Variants in TBCE observed in about 807,000 individuals in gnomAD.
The protein encoded by TBCE is tubulin-specific chaperone E.
A neutral mutation model predicts 77.0 loss-of-function variants in TBCE; 53 were observed. The observed-to-expected ratio is 0.69, with a 90% CI of 0.55 to 0.87. The LOEUF (loss-of-function observed/expected upper bound fraction) is 0.87, where lower values mean the gene tolerates loss of function less well. Ranked by LOEUF, TBCE falls within the 40% of genes least tolerant of loss-of-function variation. The pLI, the probability that TBCE is intolerant of heterozygous loss-of-function variation, is 0.00. For synonymous variants in TBCE, 235 were observed against 241.3 expected, an observed-to-expected ratio of 0.97 and a Z score of 0.24; for missense variants, 624 against 622.4, an observed-to-expected ratio of 1.00 and a Z score of -0.03.
chr1:235,429,564 GAGTAATTT>G (rs1390144063), intron 6 of TBCE: 7 of 152,214 alleles, frequency 4.6e-5, no homozygotes, highest in Non-Finnish European at 7.3e-5. Context: ...CTGTAGGAAT[GAGTAATTT>G]CATTGGGATA....
chr1:235,447,141 A>G (rs1376233387), intron 15 of TBCE, among the ~76,000 whole-genome samples: 1 of 152,206 alleles, frequency 6.6e-6, no homozygotes, highest in African/African-American at 2.4e-5. Context: ...ACATATTCAC[A>G]CATGAAAGAG....
At chr1:235,387,278 T>C (rs921552938) in intron 2 of TBCE, among the ~76,000 whole-genome samples, 4 of 152,188 alleles carry the variant, frequency 2.6e-5, no homozygotes, top group Non-Finnish European at 4.4e-5. Context: ...GCAGTCTGCC[T>C]GTTCTCAGAT....
intron 7 of TBCE, chr1:235,433,116 C>A: frequency 6.7e-7 from 1 of 1,488,678 alleles, no homozygotes; most frequent in African/African-American, 1.4e-5. Context: ...AGGTCACGGG[C>A]AGGTTTAACA....
intron 5 of TBCE, among the ~76,000 whole-genome samples, chr1:235,424,751 C>T (rs936486588): frequency 1.2e-4 from 19 of 152,058 alleles, no homozygotes; most frequent in Non-Finnish European, 1.6e-4. Flanking sequence ...GTGATCCGCC[C>T]GCCTCGGCCA....
chr1:235,418,796 C>A (rs1055701970), intron 4 of TBCE, among the ~76,000 whole-genome samples: 1 of 152,112 alleles, frequency 6.6e-6, no homozygotes, highest in Non-Finnish European at 1.5e-5. Flanking sequence ...GAGTAGAATA[C>A]CATTTATATC....
Position 235,445,560 on chromosome 1 carries a change from T to C in TBCE, c.1399+2649T>C, listed in dbSNP as rs549733744. Among the ~76,000 whole-genome samples, 576 of 152,168 alleles carry C rather than the reference T, an allele frequency of 3.8e-3. 4 individuals are homozygous for C. The highest frequency in any genetic ancestry group is 0.013 in the African/African-American group (552 of 41,532). ...CTGAGGTGGGAGGATCACTTGAGCC[T>C]GGGAAGTTGAGGCTGCAGTGAGCTG... is the stretch of plus-strand genomic sequence containing the variant. On this transcript the variant is annotated intron_variant, in intron 15 of 16. Coordinates refer to ENST00000642610, the MANE Select transcript of TBCE (RefSeq NM_003193.5).
chr1:235,397,973 A>C (rs1678845305), intron 2 of TBCE, among the ~76,000 whole-genome samples: 2 of 152,164 alleles, frequency 1.3e-5, no homozygotes, highest in African/African-American at 4.8e-5. Context: ...TCAGACTTAC[A>C]GCTAATCACA....
intron 1 of TBCE, among the ~76,000 whole-genome samples, chr1:235,370,573 A>T (rs1676861769): frequency 7.0e-6 from 1 of 143,710 alleles, no homozygotes. Context: ...TTTTGGGAAG[A>T]TCTCTTATTG....
intron 12 of TBCE, among the ~76,000 whole-genome samples, chr1:235,437,675 T>G (rs1558390118): frequency 6.6e-6 from 1 of 151,642 alleles, no homozygotes; most frequent in African/African-American, 2.4e-5. Flanking sequence ...AGCTGCATGG[T>G]GGCACGCGCC....
chr1:235,423,853 A>G (rs1205205234), intron 5 of TBCE: 1 of 152,358 alleles, frequency 6.6e-6, no homozygotes, highest in Non-Finnish European at 1.5e-5. Flanking sequence ...GGGCTGTAAT[A>G]GTCCAGGCAG....
intron 15 of TBCE, among the ~76,000 whole-genome samples, chr1:235,443,645 C>CTGTGT: frequency 6.6e-6 from 1 of 152,282 alleles, no homozygotes; most frequent in East Asian, 1.9e-4. Flanking sequence ...AAGAGAGGAG[C>CTGTGT]TGTGTCCTGG....
At chr1:235,429,159 T>C (rs1028503498) in intron 6 of TBCE, 2 of 151,800 alleles carry the variant, frequency 1.3e-5, no homozygotes, top group Non-Finnish European at 2.9e-5. Context: ...CAGCTACTTT[T>C]TGTATTTTTA....
At chr1:235,395,264 C>G (rs1050268785) in intron 2 of TBCE, among the ~76,000 whole-genome samples, 5 of 151,912 alleles carry the variant, frequency 3.3e-5, no homozygotes, top group African/African-American at 1.2e-4. Context: ...TTATAGGGTA[C>G]AAGAGAGATT....
In TBCE at chr1:235,397,872, T is replaced by A. The variant is rs146929939; in HGVS notation, c.101-3631T>A. Among the ~76,000 whole-genome samples the A allele has an allele frequency of 5.5e-3, 834 of 152,292 alleles. 7 individuals carry two copies. Among genetic ancestry groups the A allele is most frequent in the African/African-American group, 0.019 (810 of 41,564 alleles). The stretch of plus-strand genomic sequence containing the variant: ...ATACCCTTATACCATGTCTGTCCAC[T>A]CTCTTACTCATACTGGTTTCTGTAG... On this transcript the variant is annotated intron_variant, in intron 2 of 16. Coordinates refer to ENST00000642610, the MANE Select transcript of TBCE (RefSeq NM_003193.5).
intron 15 of TBCE, among the ~76,000 whole-genome samples, 153 bp from the exon 16 acceptor site, chr1:235,448,196 T>TTAAG (rs562018636): frequency 2.2e-4 from 30 of 139,060 alleles, no homozygotes; most frequent in African/African-American, 2.9e-4. Context: ...CAAGACTTAC[T>TTAAG]TAAGTAAGTA....
chr1:235,425,467 C>A (rs554703381), intron 5 of TBCE, among the ~76,000 whole-genome samples: 4 of 152,252 alleles, frequency 2.6e-5, no homozygotes, highest in Non-Finnish European at 2.9e-5. Context: ...AGCACAGTGA[C>A]TTTTACTGGA....
intron 3 of TBCE, among the ~76,000 whole-genome samples, chr1:235,413,334 C>T (rs1013177316): frequency 1.3e-5 from 2 of 150,356 alleles, no homozygotes. Context: ...GCACTCTCAC[C>T]GAGGTGACAG....
chr1:235,380,024 A>T lies in TBCE; in HGVS notation c.-26A>T. The T allele has an allele frequency of 1.3e-6, 2 of 1,569,992 alleles. No homozygotes were observed. Among genetic ancestry groups the T allele is most frequent in the Non-Finnish European group, 1.8e-6 (2 of 1,140,420 alleles). ...TGTTGTATTTTTCTTCCTAGATCTC[A>T]TATTTTGGATTCTGGATATATTATA... On this transcript the variant is annotated 5_prime_UTR_variant, in exon 2 of 17. Coordinates refer to ENST00000642610, the MANE Select transcript of TBCE (RefSeq NM_003193.5).
At chr1:235,431,580 C>T (rs550726267) in intron 7 of TBCE, among the ~76,000 whole-genome samples, 99 of 152,040 alleles carry the variant, frequency 6.5e-4, no homozygotes, top group African/African-American at 2.3e-3. Context: ...AGGCTGGTCT[C>T]GAACTCCTGA....
Sources: gnomAD v4.1 joint callset for allele counts (sites outside exome capture counted in the v4.1 genomes callset) on GRCh38, gnomAD v4.1.1 for gene constraint, MANE v1.5 for transcripts, NCBI Gene and HGNC (gene_info 2026-07-23, HGNC 2026-07-21) for gene names.